The following BRI3BP variants were observed in gnomAD, a reference collection of about 807,000 sequenced individuals.
BRI3BP encodes BRI3 binding protein, also known as BRI3-binding protein.
BRI3BP carries 7 observed loss-of-function variants against 15.8 expected under a neutral mutation model. The ratio of observed to expected loss-of-function variants is 0.44; its 90% CI spans 0.25 to 0.83. The LOEUF (loss-of-function observed/expected upper bound fraction) is 0.83, where lower values mean the gene tolerates loss of function less well. Ranked by LOEUF, BRI3BP falls within the 40% of genes least tolerant of loss-of-function variation. The probability of loss-of-function intolerance (pLI) is 0.20; values close to 1 mark genes in which losing one functional copy is unlikely to be tolerated. For synonymous variants in BRI3BP, 192 were observed against 163.5 expected (o/e 1.17, Z -1.33); for missense variants, 320 against 339.3 (o/e 0.94, Z 0.45).
the BRI3BP span, among the ~76,000 whole-genome samples, chr12:125,036,774 G>T: frequency 0.38 from 58,330 of 152,046 alleles, 12,786 homozygotes; most frequent in Non-Finnish European, 0.5. Context: ...GTCTAGATGA[G>T]ATCCTGAAGG....
intron 2 of BRI3BP, among the ~76,000 whole-genome samples, chr12:125,021,636 G>C (rs1460650736): frequency 6.6e-6 from 1 of 152,186 alleles, no homozygotes; most frequent in African/African-American, 2.4e-5. Flanking sequence ...TGGCTGGGGA[G>C]GCCTCAGGAA....
At chr12:125,038,255 CAAAA>C in the BRI3BP span, among the ~76,000 whole-genome samples, 5 of 116,608 alleles carry the variant, frequency 4.3e-5, no homozygotes, top group African/African-American at 3.5e-5. Context: ...CCAGCCATCT[CAAAA>C]AAAAAAAAAA....
chr12:124,993,876 C>G lies in BRI3BP; in HGVS notation c.86C>G (p.Ala29Gly). The change falls in exon 1 of 3, where the codon GCC becomes GGC. Residue 29 changes from alanine to glycine, a missense_variant. Ala to Gly is a moderately conservative substitution (Grantham distance 60). Coordinates refer to ENST00000341446, the MANE Select transcript of BRI3BP (RefSeq NM_080626.6). The part of the protein sequence containing the change: ...LLLLLLLGLL[A>G]PGAQGARGRG... ...CTGCTGCTGCTGCTCGGGCTGCTGGCCCCGGGCGCGCAGGGGGCGCGGGGC... is the reference window on the plus strand; with the variant it reads ...CTGCTGCTGCTGCTCGGGCTGCTGGGCCCGGGCGCGCAGGGGGCGCGGGGC... The G allele has an allele frequency of 8.1e-7, 1 of 1,230,930 alleles. No homozygotes were observed. The highest frequency in any genetic ancestry group is 2.6e-5 in the South Asian group (1 of 38,010). The allele number at this position is 1,230,930 out of a possible 1,614,324, so 76.3% of individuals were successfully genotyped here.
At chr12:125,008,499 A>G (rs1955168741) in intron 1 of BRI3BP, among the ~76,000 whole-genome samples, 1 of 151,390 alleles carries the variant, frequency 6.6e-6, no homozygotes, top group Admixed American at 6.6e-5. Flanking sequence ...TTTTTAGTAG[A>G]GACGGGGTTT....
the BRI3BP span, among the ~76,000 whole-genome samples, chr12:125,041,847 C>T: frequency 2.6e-5 from 4 of 152,162 alleles, no homozygotes; most frequent in Non-Finnish European, 5.9e-5. Context: ...TGTGCACTGT[C>T]ACACCTGGCT....
chr12:125,008,979 A>ATT (rs113107414), intron 1 of BRI3BP, among the ~76,000 whole-genome samples: 27 of 145,404 alleles, frequency 1.9e-4, no homozygotes, highest in South Asian at 4.3e-4. Context: ...TCCTATGAAA[A>ATT]TTTTTTTTTT....
chr12:125,035,564 T>C (rs932186587), downstream of BRI3BP, among the ~76,000 whole-genome samples: 12 of 148,288 alleles, frequency 8.1e-5, no homozygotes, highest in Non-Finnish European at 1.5e-4. Context: ...AGGCTAATGC[T>C]TTTTTTTTTG....
chr12:125,036,813 C>T, the BRI3BP span, among the ~76,000 whole-genome samples: 82,078 of 151,948 alleles, frequency 0.54, 24,119 homozygotes, highest in East Asian at 0.69. Flanking sequence ...CTAGTGGCCT[C>T]ATAAGAAGAG....
chr12:125,038,737 C>T, the BRI3BP span, among the ~76,000 whole-genome samples: 1 of 151,720 alleles, frequency 6.6e-6, no homozygotes, highest in Non-Finnish European at 1.5e-5. Flanking sequence ...TGCACTCCAG[C>T]CTGGGTGACA....
intron 2 of BRI3BP, among the ~76,000 whole-genome samples, chr12:125,017,776 A>C (rs1277154547): frequency 6.6e-6 from 1 of 152,146 alleles, no homozygotes; most frequent in Non-Finnish European, 1.5e-5. Context: ...TGCTGAGGCC[A>C]CTTCCAACAA....
intron 1 of BRI3BP, among the ~76,000 whole-genome samples, chr12:125,002,455 T>G (rs199701464): frequency 1.4e-5 from 2 of 144,254 alleles, no homozygotes; most frequent in African/African-American, 2.5e-5. Context: ...TTTTTTTTTT[T>G]GTTTTGTTTT....
chr12:125,002,251 G>C (rs11057971), intron 1 of BRI3BP, among the ~76,000 whole-genome samples: 38,434 of 151,984 alleles, frequency 0.25, 5,901 homozygotes, highest in South Asian at 0.33. Flanking sequence ...GGGTCATACA[G>C]GAACTTTTTG....
At position 125,031,090 on chromosome 12, in the gene BRI3BP, A is replaced by G. The variant is rs1955402995; in HGVS notation, c.*5660A>G. On this transcript the variant is annotated 3_prime_UTR_variant, in exon 3 of 3. Transcript: ENST00000341446. ...ATATATACATTCCTCTTATTTATTA[A>G]ATCACTGGCTTTGGTGTTATGTAGA... The G allele has an allele frequency of 6.6e-6, 1 of 152,232 alleles. No individual in the cohort carries two copies. Among genetic ancestry groups the G allele is most frequent in the Non-Finnish European group, 1.5e-5 (1 of 68,034 alleles). 9.4% of individuals were successfully genotyped at this position (152,232 alleles called of 1,614,324 possible).
intron 1 of BRI3BP, among the ~76,000 whole-genome samples, chr12:125,003,921 C>T (rs1280285746): frequency 1.3e-5 from 2 of 151,530 alleles, no homozygotes; most frequent in South Asian, 4.2e-4. Flanking sequence ...CCACTGCACT[C>T]CAGCTTGGGC....
the BRI3BP span, among the ~76,000 whole-genome samples, chr12:125,044,342 G>C: frequency 1.3e-5 from 2 of 151,978 alleles, no homozygotes; most frequent in African/African-American, 4.8e-5. Context: ...GTAGAGACGG[G>C]GTTTCACCAT....
In BRI3BP at chr12:125,020,067, C is replaced by T. The variant is rs538684363; in HGVS notation, c.317-4924C>T. Among the ~76,000 whole-genome samples, 6 of 150,792 alleles carry T rather than the reference C, an allele frequency of 4.0e-5. No individual in the cohort carries two copies. The East Asian group carries it at 1.2e-3, about 29-fold the overall frequency. On this transcript the variant is annotated intron_variant, in intron 2 of 2. Coordinates refer to ENST00000341446, the MANE Select transcript of BRI3BP (RefSeq NM_080626.6). The stretch of plus-strand genomic sequence containing the variant: ...CCAGTGATTCTCCTGCCTCAGCCTC[C>T]TGAGTAGCTGGGATTACAGGCATGC...
chr12:125,012,350 A>T (rs899577189), intron 1 of BRI3BP, among the ~76,000 whole-genome samples, 184 bp from the exon 2 acceptor site: 19 of 152,206 alleles, frequency 1.2e-4, no homozygotes, highest in African/African-American at 4.1e-4. Flanking sequence ...AGTTTTTCTC[A>T]GTTAGGCTGT....
intron 1 of BRI3BP, among the ~76,000 whole-genome samples, chr12:124,997,997 G>A (rs1485168081): frequency 2.0e-5 from 3 of 152,104 alleles, no homozygotes; most frequent in African/African-American, 7.2e-5. Flanking sequence ...GGTGATGCAT[G>A]CCTGTAATCC....
At chr12:125,005,322 C>T (rs781436740) in intron 1 of BRI3BP, among the ~76,000 whole-genome samples, 7 of 152,152 alleles carry the variant, frequency 4.6e-5, no homozygotes, top group African/African-American at 2.4e-5. Flanking sequence ...TTTAATGCCC[C>T]CACCTCATGC....
Sources: gnomAD v4.1 joint callset for allele counts (sites outside exome capture counted in the v4.1 genomes callset) on GRCh38, gnomAD v4.1.1 for gene constraint, MANE v1.5 for transcripts, NCBI Gene and HGNC (gene_info 2026-07-23, HGNC 2026-07-21) for gene names.